The following ULK4 variants were observed in gnomAD, a reference collection of about 807,000 sequenced individuals.
The protein encoded by ULK4 is unc-51 like kinase 4.
In ULK4, 133 loss-of-function variants were observed where a neutral mutation model predicts 160.6. That is an observed-to-expected ratio of 0.83 (90% CI 0.72 to 0.96). ULK4 has a LOEUF of 0.96. Among genes scored for constraint, ULK4 ranks in the 40% least tolerant of loss-of-function variants. The pLI is 0.00. For synonymous variants in ULK4, 534 were observed against 539.8 expected, an observed-to-expected ratio of 0.99 and a Z score of 0.15; for missense variants, 1,580 against 1,499.5, an observed-to-expected ratio of 1.05 and a Z score of -0.89.
intron 21 of ULK4, among the ~76,000 whole-genome samples, chr3:41,777,293 T>C (rs2039661397): frequency 1.2e-5 from 1 of 84,876 alleles, no homozygotes; most frequent in Non-Finnish European, 2.0e-5. Flanking sequence ...TTTTATTGTG[T>C]CTATTTGATT....
chr3:41,942,731 C>T (rs950234237), intron 2 of ULK4, among the ~76,000 whole-genome samples: 55 of 151,686 alleles, frequency 3.6e-4, no homozygotes, highest in African/African-American at 1.3e-3. Flanking sequence ...GCAGGAGAAT[C>T]GCTTGAACCC....
intron 34 of ULK4, among the ~76,000 whole-genome samples, chr3:41,409,599 T>G (rs555373175): frequency 3.3e-5 from 5 of 152,248 alleles, no homozygotes; most frequent in Non-Finnish European, 7.4e-5. Context: ...AAAGAAGGTA[T>G]GAAAATAGTC....
At chr3:41,489,760 G>C (rs977177980) in intron 32 of ULK4, among the ~76,000 whole-genome samples, 1 of 152,006 alleles carries the variant, frequency 6.6e-6, no homozygotes, top group Admixed American at 6.6e-5. Context: ...CCCACTCCAG[G>C]AAAACTGCCC....
chr3:41,528,433 T>C (rs1452577645), intron 32 of ULK4, among the ~76,000 whole-genome samples: 4 of 152,334 alleles, frequency 2.6e-5, no homozygotes, highest in South Asian at 2.1e-4. Flanking sequence ...ACTTGTAAGA[T>C]AATGTTTTGG....
chr3:41,587,577 A>C (rs927046727), intron 31 of ULK4, among the ~76,000 whole-genome samples: 15 of 152,180 alleles, frequency 9.9e-5, no homozygotes, highest in Non-Finnish European at 5.9e-5. Context: ...GAAAAAAGCT[A>C]TGAAATATTC....
intron 27 of ULK4, among the ~76,000 whole-genome samples, chr3:41,687,034 G>T (rs1181781887): frequency 1.3e-5 from 2 of 152,062 alleles, no homozygotes; most frequent in Non-Finnish European, 2.9e-5. Flanking sequence ...AGTGAGCTAT[G>T]AGTGCACCAC....
At chr3:41,597,175 G>A (rs143351887) in intron 31 of ULK4, among the ~76,000 whole-genome samples, 4 of 152,232 alleles carry the variant, frequency 2.6e-5, no homozygotes, top group South Asian at 2.1e-4. Context: ...CTCTGTGGTG[G>A]AGCATAATGG....
At chr3:41,915,111 G>A (rs1698921983) in intron 8 of ULK4, among the ~76,000 whole-genome samples, 2 of 151,922 alleles carry the variant, frequency 1.3e-5, no homozygotes, top group Non-Finnish European at 2.9e-5. Flanking sequence ...ATAAATGTAG[G>A]GATATGTGGA....
rs367548066 is a variant in ULK4, at chr3:41,655,266, C to T, written c.3071+8341G>A. Among the ~76,000 whole-genome samples, 228 of 151,084 alleles carry T rather than the reference C, an allele frequency of 1.5e-3. 3 individuals are homozygous for T. In the South Asian group the frequency reaches 0.031, roughly 20 times the overall value. On this transcript the variant is annotated intron_variant, in intron 30 of 36. Transcript: ENST00000301831. ...GCTGGAAACCATCATTCTCAGCAAA[C>T]TATCGCAAGGACAAAAAACCAAACA...
chr3:41,273,019 C>A (rs2079164894), intron 35 of ULK4, among the ~76,000 whole-genome samples: 1 of 152,160 alleles, frequency 6.6e-6, no homozygotes. Flanking sequence ...ATTCTAATGT[C>A]TGTGTCACTT....
At chr3:41,515,013 G>A (rs770291328) in intron 32 of ULK4, among the ~76,000 whole-genome samples, 9 of 152,112 alleles carry the variant, frequency 5.9e-5, no homozygotes, top group Non-Finnish European at 7.3e-5. Flanking sequence ...GCAGCATGTT[G>A]GGAGGCTGGG....
intron 35 of ULK4, among the ~76,000 whole-genome samples, chr3:41,307,595 G>A (rs1214323476): frequency 6.6e-6 from 1 of 152,134 alleles, no homozygotes; most frequent in Admixed American, 6.5e-5. Flanking sequence ...TAGGAGCCAA[G>A]GCAGGAGGAT....
At chr3:41,292,218 C>G (rs1483591542) in intron 35 of ULK4, among the ~76,000 whole-genome samples, 1 of 152,180 alleles carries the variant, frequency 6.6e-6, no homozygotes, top group Non-Finnish European at 1.5e-5. Flanking sequence ...ATAACTACTT[C>G]TAAGTGGAAG....
At chr3:41,612,923 G>A (rs1239549204) in intron 31 of ULK4, among the ~76,000 whole-genome samples, 1 of 152,182 alleles carries the variant, frequency 6.6e-6, no homozygotes, top group African/African-American at 2.4e-5. Context: ...AAGTACATCA[G>A]ACAGAAGCTG....
At chr3:41,653,344 G>A (rs2034816067) in intron 30 of ULK4, among the ~76,000 whole-genome samples, 1 of 152,144 alleles carries the variant, frequency 6.6e-6, no homozygotes, top group South Asian at 2.1e-4. Flanking sequence ...GAAAACCACA[G>A]TAAAAGTTCT....
At chr3:41,452,157 C>T (rs1006351199) in intron 34 of ULK4, among the ~76,000 whole-genome samples, 4 of 152,160 alleles carry the variant, frequency 2.6e-5, no homozygotes, top group Non-Finnish European at 5.9e-5. Flanking sequence ...ACAGAGCCAT[C>T]TATCTGCTCC....
chr3:41,803,687 C>CA (rs1333821129), intron 19 of ULK4, among the ~76,000 whole-genome samples: 3 of 152,256 alleles, frequency 2.0e-5, no homozygotes, highest in African/African-American at 7.2e-5. Flanking sequence ...TTCCTGTGTC[C>CA]ATGTGTTCTC....
At chr3:41,514,433 G>C (rs2085686594) in intron 32 of ULK4, among the ~76,000 whole-genome samples, 1 of 152,156 alleles carries the variant, frequency 6.6e-6, no homozygotes, top group Non-Finnish European at 1.5e-5. Context: ...CCCAGCAAAG[G>C]ACTCAGTTCT....
intron 22 of ULK4, among the ~76,000 whole-genome samples, chr3:41,721,362 A>ATATATT (rs1553639902): frequency 2.7e-3 from 75 of 27,946 alleles, no homozygotes; most frequent in Admixed American, 4.0e-3. Flanking sequence ...ATATATATAT[A>ATATATT]TTTTTTTTTT....
Sources: gnomAD v4.1 joint callset for allele counts (sites outside exome capture counted in the v4.1 genomes callset) on GRCh38, gnomAD v4.1.1 for gene constraint, MANE v1.5 for transcripts, NCBI Gene and HGNC (gene_info 2026-07-23, HGNC 2026-07-21) for gene names.